The following CSGALNACT1 variants were observed in gnomAD, a reference collection of about 807,000 sequenced individuals.
CSGALNACT1 encodes the protein beta4GalNAcT-1.
In CSGALNACT1, 52 loss-of-function variants were observed where a neutral mutation model predicts 51.0. The ratio of observed to expected loss-of-function variants is 1.02; its 90% CI spans 0.82 to 1.29. The LOEUF (loss-of-function observed/expected upper bound fraction) is 1.29. Ranked by LOEUF, CSGALNACT1 falls within the 50% of genes most tolerant of loss-of-function variation. CSGALNACT1 has a pLI of 0.00. For missense variants in CSGALNACT1, 935 were observed against 679.2 expected, an observed-to-expected ratio of 1.38 and a Z score of -4.19; for synonymous variants, 341 against 254.4, an observed-to-expected ratio of 1.34 and a Z score of -3.24.
intron 3 of CSGALNACT1, among the ~76,000 whole-genome samples, chr8:19,532,769 G>A (rs2083015086): frequency 1.3e-5 from 2 of 152,132 alleles, no homozygotes; most frequent in South Asian, 4.1e-4. Context: ...AACCCTTGGC[G>A]AGAAGGTACA....
intron 3 of CSGALNACT1, among the ~76,000 whole-genome samples, chr8:19,578,305 G>C (rs1330869427): frequency 3.3e-5 from 5 of 152,142 alleles, no homozygotes; most frequent in Non-Finnish European, 5.9e-5. Context: ...CAAGTGAGAG[G>C]ACTTTAGGAT....
chr8:19,680,564 A>C (rs959657814), intron 1 of CSGALNACT1, among the ~76,000 whole-genome samples: 2,843 of 28,690 alleles, frequency 0.099, 10 homozygotes, highest in Non-Finnish European at 0.11. Flanking sequence ...CCCTCGCCCC[A>C]CCCCCCCCCC....
chr8:19,619,025 T>C (rs941169542), intron 1 of CSGALNACT1, among the ~76,000 whole-genome samples: 1 of 152,086 alleles, frequency 6.6e-6, no homozygotes, highest in African/African-American at 2.4e-5. Context: ...ATGATGGGGC[T>C]ACAAACCCTG....
intron 3 of CSGALNACT1, among the ~76,000 whole-genome samples, chr8:19,579,557 G>C (rs2045100673): frequency 6.6e-6 from 1 of 152,152 alleles, no homozygotes; most frequent in African/African-American, 2.4e-5. Flanking sequence ...GATTTAAGTA[G>C]AGATAGAGAC....
intron 3 of CSGALNACT1, among the ~76,000 whole-genome samples, chr8:19,547,439 T>C (rs2086730469): frequency 5.3e-4 from 1 of 1,890 alleles, no homozygotes; most frequent in Non-Finnish European, 9.7e-4. Flanking sequence ...AACTGAATCA[T>C]GGGGGTGGTT....
At chr8:19,432,350 T>G (rs1159107353) in intron 6 of CSGALNACT1, among the ~76,000 whole-genome samples, 1 of 152,218 alleles carries the variant, frequency 6.6e-6, no homozygotes, top group South Asian at 2.1e-4. Flanking sequence ...TTGTACTGGA[T>G]GAGTTGCTTC....
At chr8:19,626,985 A>G (rs1039041799) in intron 1 of CSGALNACT1, among the ~76,000 whole-genome samples, 1 of 152,218 alleles carries the variant, frequency 6.6e-6, no homozygotes, top group African/African-American at 2.4e-5. Context: ...ACTAACGGAA[A>G]CAATTTGACA....
intron 3 of CSGALNACT1, among the ~76,000 whole-genome samples, chr8:19,535,925 A>G (rs1416828814): frequency 6.6e-6 from 1 of 152,178 alleles, no homozygotes; most frequent in Non-Finnish European, 1.5e-5. Context: ...GAACAAAGCA[A>G]GGATGTTAAT....
At chr8:19,410,708 G>A (rs564176373) in intron 8 of CSGALNACT1, among the ~76,000 whole-genome samples, 2 of 152,350 alleles carry the variant, frequency 1.3e-5, no homozygotes, top group Admixed American at 6.5e-5. Flanking sequence ...TCTGGCTTAT[G>A]AGCTGGGGAG....
At chr8:19,428,825 ATGTGTG>A (rs59241616) in intron 6 of CSGALNACT1, among the ~76,000 whole-genome samples, 30,060 of 143,132 alleles carry the variant, frequency 0.21, 3,539 homozygotes, top group East Asian at 0.38. Flanking sequence ...AAGACATGAT[ATGTGTG>A]TGTGTGTGTG....
intron 3 of CSGALNACT1, among the ~76,000 whole-genome samples, chr8:19,544,110 G>T (rs10283186): frequency 0.3 from 44,629 of 150,684 alleles, 7,163 homozygotes; most frequent in African/African-American, 0.44. Flanking sequence ...TTTTGCTGCT[G>T]TTTAGTTTAT....
At chr8:19,416,184 G>A (rs371830692) in intron 8 of CSGALNACT1, among the ~76,000 whole-genome samples, 2 of 141,244 alleles carry the variant, frequency 1.4e-5, no homozygotes, top group Admixed American at 1.6e-4. Flanking sequence ...GCACGATCTC[G>A]GCTCACTGCA....
At chr8:19,741,335 C>A (rs138109490) in intron 1 of CSGALNACT1, among the ~76,000 whole-genome samples, 2 of 151,968 alleles carry the variant, frequency 1.3e-5, no homozygotes, top group Non-Finnish European at 2.9e-5. Context: ...CAGGCTGAGG[C>A]GGATGGATCA....
chr8:19,622,424 C>A (rs1047075855), intron 1 of CSGALNACT1, among the ~76,000 whole-genome samples: 1 of 152,232 alleles, frequency 6.6e-6, no homozygotes, highest in African/African-American at 2.4e-5. Flanking sequence ...ATTTTACAAG[C>A]CAGTTGTTAA....
At chr8:19,724,923 C>T (rs547585507) in intron 1 of CSGALNACT1, among the ~76,000 whole-genome samples, 8 of 152,246 alleles carry the variant, frequency 5.3e-5, no homozygotes, top group Non-Finnish European at 1.0e-4. Context: ...GGATGACTAT[C>T]CACCATCCCA....
chr8:19,612,946 GAAAAAAAAA>G (rs1165754811), intron 1 of CSGALNACT1, among the ~76,000 whole-genome samples: 34 of 15,438 alleles, frequency 2.2e-3, no homozygotes, highest in African/African-American at 3.9e-3. Context: ...AAAGCAGCTG[GAAAAAAAAA>G]AAAAAAAAAA....
intron 1 of CSGALNACT1, among the ~76,000 whole-genome samples, chr8:19,718,137 G>T (rs1224692061): frequency 1.3e-5 from 2 of 152,140 alleles, no homozygotes; most frequent in Non-Finnish European, 2.9e-5. Context: ...CTGTCACCCA[G>T]GCTGGAAGGC....
At chr8:19,596,675 T>A (rs2048975717) in intron 2 of CSGALNACT1, among the ~76,000 whole-genome samples, 1 of 151,038 alleles carries the variant, frequency 6.6e-6, no homozygotes. Context: ...ACATAACACA[T>A]TTTGGAATAA....
At chr8:19,683,223 C>A (rs1039708594), upstream of CSGALNACT1, 1 of 153,732 alleles carries the variant, frequency 6.5e-6, no homozygotes, top group African/African-American at 2.4e-5. Context: ...AAGGTCTGTG[C>A]GGCATCACCT....
Sources: gnomAD v4.1 joint callset for allele counts (sites outside exome capture counted in the v4.1 genomes callset) on GRCh38, gnomAD v4.1.1 for gene constraint, MANE v1.5 for transcripts, NCBI Gene and HGNC (gene_info 2026-07-23, HGNC 2026-07-21) for gene names.